TNKS: variants seen among roughly 807,000 people sequenced by gnomAD.
TNKS encodes poly [ADP-ribose] polymerase tankyrase-1.
Under a neutral mutation model 135.8 loss-of-function variants are expected in TNKS, and 72 were observed. The observed-to-expected ratio is 0.53, with a 90% CI of 0.44 to 0.64. TNKS has a LOEUF of 0.64. Ranked by LOEUF, TNKS falls within the 30% of genes least tolerant of loss-of-function variation. The pLI, the probability that TNKS is intolerant of heterozygous loss-of-function variation, is 0.00. For missense variants in TNKS, 1,769 were observed against 1,674.0 expected (o/e 1.06, Z -0.99); for synonymous variants, 849 against 649.3 (o/e 1.31, Z -4.68).
chr8:9,602,854 A>T (rs1017186044), intron 2 of TNKS, among the ~76,000 whole-genome samples: 3 of 152,224 alleles, frequency 2.0e-5, no homozygotes, highest in African/African-American at 7.2e-5. Context: ...CATTATTTCC[A>T]GCTAAATCTC....
At chr8:9,767,506 G>A (rs1364429970) in intron 25 of TNKS, among the ~76,000 whole-genome samples, 2 of 152,094 alleles carry the variant, frequency 1.3e-5, no homozygotes, top group Non-Finnish European at 2.9e-5. Context: ...GATCTCTGAG[G>A]GAGAAAAGCC....
intron 5 of TNKS, among the ~76,000 whole-genome samples, chr8:9,683,943 T>C (rs1802884306): frequency 6.6e-6 from 1 of 151,974 alleles, no homozygotes; most frequent in Non-Finnish European, 1.5e-5. Flanking sequence ...CTAGAAATTT[T>C]ATTGGCTTTT....
rs1808451514 is a variant in TNKS at position 9,781,391 on chromosome 8, G to A, written c.*4655G>A. The A allele has an allele frequency of 6.6e-6, 1 of 152,148 alleles. No homozygotes were observed. Among genetic ancestry groups the A allele is most frequent in the African/African-American group, 2.4e-5 (1 of 41,416 alleles). The allele number at this position is 152,148 out of a possible 1,614,324, so 9.4% of individuals were successfully genotyped here. Reference sequence around the variant, plus strand: ...TGCAGTTGAACCCTGGTAGTGGGGTGTCCCTCACACACCCGCGCACCCCTC... The same window carrying A: ...TGCAGTTGAACCCTGGTAGTGGGGTATCCCTCACACACCCGCGCACCCCTC... On this transcript the variant is annotated 3_prime_UTR_variant, in exon 27 of 27. Coordinates refer to ENST00000310430, the MANE Select transcript of TNKS (RefSeq NM_003747.3).
intron 9 of TNKS, among the ~76,000 whole-genome samples, chr8:9,709,422 C>CTAT (rs1183684276): frequency 6.6e-6 from 1 of 152,000 alleles, no homozygotes; most frequent in Non-Finnish European, 1.5e-5. Flanking sequence ...TAAAATGAAG[C>CTAT]AGAATAAAAA....
intron 3 of TNKS, among the ~76,000 whole-genome samples, chr8:9,627,055 G>T (rs1486984110): frequency 6.6e-6 from 1 of 152,144 alleles, no homozygotes; most frequent in Non-Finnish European, 1.5e-5. Flanking sequence ...AGAGGCTGAA[G>T]GTTAAGTTGA....
chr8:9,611,957 A>C (rs1799480084), intron 2 of TNKS, among the ~76,000 whole-genome samples: 1 of 152,136 alleles, frequency 6.6e-6, no homozygotes, highest in Non-Finnish European at 1.5e-5. Context: ...GGAGAAGAAG[A>C]GATTCTATTT....
At chr8:9,603,090 T>C (rs1799078976) in intron 2 of TNKS, among the ~76,000 whole-genome samples, 2 of 152,286 alleles carry the variant, frequency 1.3e-5, no homozygotes, top group Admixed American at 6.5e-5. Context: ...TCTCGCTTTA[T>C]CGCCCAGGCT....
chr8:9,692,812 A>C (rs1358298278), intron 5 of TNKS, among the ~76,000 whole-genome samples: 1 of 152,228 alleles, frequency 6.6e-6, no homozygotes, highest in Non-Finnish European at 1.5e-5. Flanking sequence ...AAGTAACTTC[A>C]ATGAGAGTGC....
chr8:9,740,043 C>A (rs1422803728), intron 17 of TNKS, among the ~76,000 whole-genome samples: 2 of 54,714 alleles, frequency 3.7e-5, no homozygotes, highest in African/African-American at 7.3e-5. Context: ...TACCCTAAAA[C>A]TTAGAGTATA....
At chr8:9,661,781 A>G (rs1041827286) in intron 3 of TNKS, among the ~76,000 whole-genome samples, 11 of 152,228 alleles carry the variant, frequency 7.2e-5, no homozygotes, top group Non-Finnish European at 1.2e-4. Context: ...AGAAACTACC[A>G]TCAGAGTGAA....
In TNKS at chr8:9,680,796, G is replaced by A. The variant is rs1229025370; in HGVS notation, c.1103G>A (p.Arg368Gln). The A allele has an allele frequency of 4.3e-6, 7 of 1,611,082 alleles. No individual in the cohort carries two copies. Among genetic ancestry groups the A allele is most frequent in the Non-Finnish European group, 5.9e-6 (7 of 1,178,064 alleles). ...LNVNCHASDG[R>Q]KSTPLHLAAG... is the part of the protein sequence containing the mutation. Reference sequence around the variant, plus strand: ...GTGAATTGCCATGCAAGTGATGGGCGAAAGGTAAGTTATTTTAAATACAAT... The same window carrying A: ...GTGAATTGCCATGCAAGTGATGGGCAAAAGGTAAGTTATTTTAAATACAAT... Residue 368 changes from arginine (R) to glutamine (Q), a missense_variant, in exon 5 of 27, where the codon CGA (arginine) becomes CAA (glutamine). Arg to Gln is a conservative substitution (Grantham distance 43). Around this residue, in one of 5 missense-constraint regions of TNKS, gnomAD observed 523 missense variants for 541.0 expected, o/e 0.97. Coordinates refer to ENST00000310430, the MANE Select transcript of TNKS (RefSeq NM_003747.3).
At chr8:9,746,881 CT>C (rs10672387) in intron 17 of TNKS, among the ~76,000 whole-genome samples, 92 of 117,182 alleles carry the variant, frequency 7.9e-4, no homozygotes, top group African/African-American at 1.2e-3. Flanking sequence ...CCTACTTAAA[CT>C]TTTTTTTTTT....
chr8:9,708,373 G>T lies in TNKS; in HGVS notation c.1459G>T (p.Glu487Ter). The T allele has an allele frequency of 1.3e-6, 2 of 1,579,522 alleles. No individual in the cohort carries two copies. Among genetic ancestry groups the T allele is most frequent in the South Asian group, 1.2e-5 (1 of 83,254 alleles). ...TPELRERLTY[E>*]FKGHSLLQAA... ...GTCAACCATTGTTTCATTGACAGAT[G>T]AATTTAAAGGTCATTCTTTACTACA... Residue 487 changes from glutamate (E) to a stop codon, truncating the protein, a stop_gained and splice_region_variant, in exon 9 of 27, where the codon GAA (glutamate) becomes TAA (stop). Coordinates refer to ENST00000310430, the MANE Select transcript of TNKS (RefSeq NM_003747.3). LOFTEE classifies it high-confidence loss of function.
chr8:9,607,416 A>G (rs935825189), intron 2 of TNKS, among the ~76,000 whole-genome samples: 1 of 152,194 alleles, frequency 6.6e-6, no homozygotes, highest in Non-Finnish European at 1.5e-5. Flanking sequence ...CTTTCCAATA[A>G]TTGTGGATAT....
chr8:9,745,496 C>T (rs1323479888), intron 17 of TNKS, among the ~76,000 whole-genome samples: 4 of 152,070 alleles, frequency 2.6e-5, no homozygotes, highest in Non-Finnish European at 5.9e-5. Flanking sequence ...TCTCCGTCTC[C>T]CAGATTCAAG....
At chr8:9,657,984 G>C (rs1345478846) in intron 3 of TNKS, among the ~76,000 whole-genome samples, 1 of 61,832 alleles carries the variant, frequency 1.6e-5, no homozygotes, top group Non-Finnish European at 3.3e-5. Context: ...GGGCAGAGGC[G>C]CTCCTCACAT....
intron 5 of TNKS, among the ~76,000 whole-genome samples, chr8:9,694,468 A>AGGGCTTTT: frequency 6.6e-6 from 1 of 152,244 alleles, no homozygotes; most frequent in South Asian, 2.1e-4. Context: ...TTCTTTCAAA[A>AGGGCTTTT]AGTATTGTCC....
At chr8:9,579,409 C>T (rs1486200203) in intron 1 of TNKS, among the ~76,000 whole-genome samples, 3 of 152,180 alleles carry the variant, frequency 2.0e-5, no homozygotes, top group East Asian at 1.9e-4. Flanking sequence ...TTCCCTAATA[C>T]AATGCTGTGT....
chr8:9,579,450 C>A (rs537749890), intron 1 of TNKS, among the ~76,000 whole-genome samples: 2 of 152,158 alleles, frequency 1.3e-5, no homozygotes, highest in African/African-American at 4.8e-5. Context: ...CGGTTATCAG[C>A]AGTATTTATT....
Sources: allele counts gnomAD v4.1 joint callset (sites outside exome capture counted in the v4.1 genomes callset), GRCh38; gene constraint gnomAD v4.1.1; regional missense constraint gnomAD v4.1.1; transcripts MANE v1.5; gene names NCBI Gene and HGNC (gene_info 2026-07-23, HGNC 2026-07-21).